The following CDH4 variants were observed in gnomAD, a reference collection of about 807,000 sequenced individuals.
The protein encoded by CDH4 is cadherin 4.
In CDH4, 33 loss-of-function variants were observed where a neutral mutation model predicts 86.0. The ratio of observed to expected loss-of-function variants is 0.38; its 90% confidence interval spans 0.29 to 0.51. The LOEUF is 0.51. Ranked by LOEUF, CDH4 falls within the 20% of genes least tolerant of loss-of-function variation. The pLI is 0.86. For missense variants in CDH4, 1,114 were observed against 1,307.4 expected (o/e 0.85, Z 2.28); for synonymous variants, 555 against 549.4 (o/e 1.01, Z -0.14).
intron 8 of CDH4, among the ~76,000 whole-genome samples, chr20:61,909,280 C>T (rs1018491652): frequency 2.0e-5 from 3 of 152,278 alleles, no homozygotes; most frequent in African/African-American, 2.4e-5. Flanking sequence ...CATCACAGAG[C>T]GCTGCTCAGC....
intron 4 of CDH4, among the ~76,000 whole-genome samples, chr20:61,808,639 G>A (rs972385098): frequency 1.3e-5 from 2 of 152,174 alleles, no homozygotes; most frequent in Non-Finnish European, 2.9e-5. Context: ...ACTGGCCCTC[G>A]GAGCAGCTTC....
intron 2 of CDH4, among the ~76,000 whole-genome samples, chr20:61,725,748 C>T (rs113361886): frequency 2.6e-5 from 4 of 151,686 alleles, no homozygotes; most frequent in African/African-American, 9.7e-5. Context: ...GGGGAGGAGG[C>T]CAGAGGTGAG....
intron 2 of CDH4, chr20:61,570,781 G>A (rs1288527201): frequency 4.3e-6 from 3 of 702,336 alleles, no homozygotes; most frequent in South Asian, 1.5e-5. Flanking sequence ...TGATGCCACT[G>A]TAATAAATGC....
intron 2 of CDH4, among the ~76,000 whole-genome samples, chr20:61,557,384 G>A (rs764700726): frequency 2.6e-5 from 4 of 152,178 alleles, no homozygotes; most frequent in South Asian, 2.1e-4. Context: ...TTTGCCGACC[G>A]TTGGCTGATC....
Position 61,910,457 on chromosome 20 carries a change from C to G in CDH4, c.1224C>G (p.Thr408=), listed in dbSNP as rs770671856. 14 of 1,613,878 alleles carry G rather than the reference C, an allele frequency of 8.7e-6. No homozygotes were observed. The highest frequency in any genetic ancestry group is 1.2e-5 in the Non-Finnish European group (14 of 1,179,960). ...AGEVPENRVE[T]VVANLTVMDR... ...AGGTCCCCGAAAACCGCGTGGAGAC[C>G]GTGGTCGCAAACCTCACGGTGATGG... is the stretch of plus-strand genomic sequence containing the variant. Residue 408 remains threonine, a synonymous_variant, in exon 9 of 16, where the codon ACC becomes ACG. Coordinates refer to ENST00000614565, the MANE Select transcript of CDH4 (RefSeq NM_001794.5).
At chr20:61,771,010 C>CTT (rs756131628) in intron 3 of CDH4, among the ~76,000 whole-genome samples, 1,918 of 130,352 alleles carry the variant, frequency 0.015, 43 homozygotes, top group African/African-American at 0.041. Context: ...TTCTTTTTTT[C>CTT]TTTTTTTTTT....
chr20:61,570,480 G>T (rs1299509277), intron 2 of CDH4: 2 of 575,112 alleles, frequency 3.5e-6, no homozygotes, highest in East Asian at 5.7e-5. Context: ...CAGAGGCTGG[G>T]TCTCCCTCGC....
chr20:61,633,669 C>T (rs183450679), intron 2 of CDH4, among the ~76,000 whole-genome samples: 115 of 152,334 alleles, frequency 7.5e-4, no homozygotes, highest in Non-Finnish European at 6.5e-4. Context: ...GTTGTACAAC[C>T]TTCCTGCACC....
At chr20:61,934,348 G>C in intron 15 of CDH4, 128 bp downstream of exon 15, 1 of 1,011,184 alleles carries the variant, frequency 9.9e-7, no homozygotes, top group Non-Finnish European at 1.4e-6. Flanking sequence ...GCTCAGACCC[G>C]GGTTCCAGGC....
At chr20:61,743,340 C>T (rs1359376376) in intron 2 of CDH4, among the ~76,000 whole-genome samples, 1 of 152,204 alleles carries the variant, frequency 6.6e-6, no homozygotes, top group Non-Finnish European at 1.5e-5. Context: ...AGAATGGAAG[C>T]TCAGTGTTGC....
intron 2 of CDH4, among the ~76,000 whole-genome samples, chr20:61,628,230 A>G (rs1276100345): frequency 6.6e-6 from 1 of 152,122 alleles, no homozygotes; most frequent in East Asian, 1.9e-4. Context: ...GTCGGCCTGA[A>G]AACACACACA....
intron 4 of CDH4, among the ~76,000 whole-genome samples, chr20:61,792,839 C>T (rs1177000221): frequency 2.6e-5 from 4 of 152,162 alleles, no homozygotes; most frequent in East Asian, 1.9e-4. Context: ...TTGGTAGAGA[C>T]GAGGTTTCAC....
At chr20:61,434,245 C>T (rs1246688928) in intron 2 of CDH4, among the ~76,000 whole-genome samples, 1 of 152,162 alleles carries the variant, frequency 6.6e-6, no homozygotes, top group African/African-American at 2.4e-5. Flanking sequence ...CATGGTTTTG[C>T]TGAATGGTGC....
intron 2 of CDH4, among the ~76,000 whole-genome samples, chr20:61,296,919 A>G (rs962607476): frequency 6.6e-6 from 1 of 152,170 alleles, no homozygotes; most frequent in African/African-American, 2.4e-5. Context: ...AAGTCTCTTC[A>G]TAGTGGTTAC....
chr20:61,816,776 C>T (rs974898073), intron 4 of CDH4, among the ~76,000 whole-genome samples: 2 of 152,166 alleles, frequency 1.3e-5, no homozygotes, highest in Non-Finnish European at 2.9e-5. Flanking sequence ...GGGCATGACC[C>T]GCTGCTGACA....
intron 2 of CDH4, chr20:61,739,022 A>C (rs2088300921): frequency 6.6e-6 from 1 of 152,352 alleles, no homozygotes. Flanking sequence ...AGGGCATTGT[A>C]GGTGTTTGCT....
intron 2 of CDH4, among the ~76,000 whole-genome samples, chr20:61,375,638 G>A (rs998989909): frequency 4.0e-5 from 5 of 125,722 alleles, no homozygotes; most frequent in Admixed American, 2.3e-4. Flanking sequence ...GTTGATGGTA[G>A]TGTGATGATC....
At chr20:61,457,680 T>C (rs1179627896) in intron 2 of CDH4, among the ~76,000 whole-genome samples, 1 of 151,916 alleles carries the variant, frequency 6.6e-6, no homozygotes, top group Non-Finnish European at 1.5e-5. Flanking sequence ...GTGCTGACAC[T>C]GGTGGTGGTG....
At chr20:61,586,005 G>A (rs560857707) in intron 2 of CDH4, among the ~76,000 whole-genome samples, 3 of 151,600 alleles carry the variant, frequency 2.0e-5, no homozygotes, top group East Asian at 2.0e-4. Flanking sequence ...TGATGATGGT[G>A]ATGGTGATTG....
Sources: gnomAD v4.1 joint callset for allele counts (sites outside exome capture counted in the v4.1 genomes callset) on GRCh38, gnomAD v4.1.1 for gene constraint, MANE v1.5 for transcripts, NCBI Gene and HGNC (gene_info 2026-07-23, HGNC 2026-07-21) for gene names.